Variants in ESCO1 observed in about 807,000 individuals in gnomAD.
ESCO1 encodes establishment of sister chromatid cohesion N-acetyltransferase 1, also known as N-acetyltransferase ESCO1.
In ESCO1, 33 loss-of-function variants were observed where a neutral mutation model predicts 83.5. That is an observed-to-expected ratio of 0.40 (90% CI 0.30 to 0.53). The LOEUF (loss-of-function observed/expected upper bound fraction) is 0.53. Among genes scored for constraint, ESCO1 ranks in the 20% least tolerant of loss-of-function variants. The probability of loss-of-function intolerance (pLI) is 0.63; values close to 1 mark genes in which losing one functional copy is unlikely to be tolerated. For missense variants in ESCO1, 855 were observed against 968.0 expected, an observed-to-expected ratio of 0.88 and a Z score of 1.55; for synonymous variants, 332 against 324.3, an observed-to-expected ratio of 1.02 and a Z score of -0.25.
intron 10 of ESCO1, among the ~76,000 whole-genome samples, chr18:21,532,970 G>A (rs912322670): frequency 7.9e-5 from 12 of 152,026 alleles, no homozygotes; most frequent in Admixed American, 2.6e-4. Context: ...CCATCATGAG[G>A]AGCCCCCCCA....
intron 1 of ESCO1, among the ~76,000 whole-genome samples, chr18:21,597,829 G>T (rs2038787464): frequency 6.6e-6 from 1 of 152,134 alleles, no homozygotes; most frequent in African/African-American, 2.4e-5. Flanking sequence ...CTTCCTTTAA[G>T]CATTGTAATG....
rs1194672905 is a variant in ESCO1, at chr18:21,573,859, C to G, written c.985G>C (p.Glu329Gln). 1 of 1,614,048 alleles carries G rather than the reference C, an allele frequency of 6.2e-7. No individual in the cohort carries two copies. The highest frequency in any genetic ancestry group is 2.2e-5 in the East Asian group (1 of 44,874). The change falls in exon 4 of 12, where the codon GAA becomes CAA. Residue 329 changes from glutamate to glutamine, a missense_variant. Coordinates refer to ENST00000269214, the MANE Select transcript of ESCO1 (RefSeq NM_052911.3). ...GTGGGCTTTTCTTCCTTTACACTTT[C>G]CATTTGTGAAGATTCCTTTTTTACC... Reference protein sequence around the residue: ...VEVKKESSQMESVKEEKPTEI... With the variant: ...VEVKKESSQMQSVKEEKPTEI...
At chr18:21,575,866 T>C (rs926200518) in intron 2 of ESCO1, 89 bp from the exon 3 acceptor site, 1 of 392,994 alleles carries the variant, frequency 2.5e-6, no homozygotes, top group East Asian at 3.6e-5. Context: ...TAACGCTCCA[T>C]AATTTCATCC....
At chr18:21,532,010 T>C (rs1005759080) in intron 11 of ESCO1, among the ~76,000 whole-genome samples, 4 of 151,794 alleles carry the variant, frequency 2.6e-5, no homozygotes, top group African/African-American at 7.3e-5. Flanking sequence ...AACAAAACAA[T>C]TTTTCTGAGT....
chr18:21,568,115 A>C (rs775227348), intron 4 of ESCO1, 21 bp from the exon 5 acceptor site: 1 of 1,549,876 alleles, frequency 6.5e-7, no homozygotes, highest in Non-Finnish European at 8.8e-7. Flanking sequence ...ATAATTCAAA[A>C]TTTTTACATC....
chr18:21,600,043 C>T (rs1376689394), intron 1 of ESCO1, among the ~76,000 whole-genome samples: 1 of 152,224 alleles, frequency 6.6e-6, no homozygotes, highest in Non-Finnish European at 1.5e-5. Flanking sequence ...TGACCTTGGG[C>T]CCGCTCCCCT....
chr18:21,555,866 G>A (rs2038105863), intron 8 of ESCO1, among the ~76,000 whole-genome samples: 1 of 151,962 alleles, frequency 6.6e-6, no homozygotes, highest in South Asian at 2.1e-4. Context: ...TACACAGGAG[G>A]CTAAGAAAGA....
intron 8 of ESCO1, among the ~76,000 whole-genome samples, chr18:21,550,259 T>TA: frequency 1.3e-5 from 2 of 152,330 alleles, no homozygotes; most frequent in East Asian, 3.9e-4. Flanking sequence ...GGTCAGTTAA[T>TA]AACCAACAGT....
chr18:21,573,777 G>C lies in ESCO1; in HGVS notation c.1067C>G (p.Thr356Arg), dbSNP rs368506322. The C allele has an allele frequency of 6.2e-7, 1 of 1,614,062 alleles. No individual in the cohort carries two copies. The highest frequency in any genetic ancestry group is 8.5e-7 in the Non-Finnish European group (1 of 1,179,998). ...ACGATTACATTGCACATCCTGATTT[G>C]TTTCCTTCTGATGAAGTATTTGTCT... ...VERQILHQKE[T>R]NQDVQCNRFF... The change falls in exon 4 of 12, where the codon ACA becomes AGA. Residue 356 changes from threonine (T) to arginine (R), a missense_variant. Thr to Arg is a moderately conservative substitution (Grantham distance 71, BLOSUM62 -1). Coordinates refer to ENST00000269214, the MANE Select transcript of ESCO1 (RefSeq NM_052911.3).
intron 9 of ESCO1, 124 bp from the exon 10 acceptor site, chr18:21,536,309 G>T: frequency 1.8e-6 from 2 of 1,130,566 alleles, no homozygotes; most frequent in Non-Finnish European, 2.4e-6. Context: ...GTTCTTTTGG[G>T]CTGGGTGTGG....
chr18:21,551,112 CAAAAAAA>C (rs57346736), intron 8 of ESCO1, among the ~76,000 whole-genome samples: 59 of 75,300 alleles, frequency 7.8e-4, no homozygotes, highest in African/African-American at 3.0e-3. Context: ...AACTCTGTCT[CAAAAAAA>C]AAAAAAAAAA....
In ESCO1 at chr18:21,564,283, T is replaced by G. The variant is rs1402206066; in HGVS notation, c.1741A>C (p.Asn581His). The change falls in exon 7 of 12, where the codon AAT becomes CAT. Residue 581 changes from asparagine to histidine, a missense_variant. By Grantham distance (68) the Asn-to-His change is moderately conservative (BLOSUM62 1). Coordinates refer to ENST00000269214, the MANE Select transcript of ESCO1 (RefSeq NM_052911.3). ...GGAATTGTTATCTCCAAATGGGAAT[T>G]ACACTTAGGCAAAGAATGATTTCGT... ...TPRNHSLPKC[N>H]SHLEITIPKD... The G allele has an allele frequency of 1.2e-6, 2 of 1,612,050 alleles. No individual in the cohort carries two copies. The highest frequency in any genetic ancestry group is 2.2e-5 in the South Asian group (2 of 90,606).
At chr18:21,555,190 C>T (rs1187094090) in intron 8 of ESCO1, among the ~76,000 whole-genome samples, 1 of 152,088 alleles carries the variant, frequency 6.6e-6, no homozygotes, top group Non-Finnish European at 1.5e-5. Flanking sequence ...TATATTATTC[C>T]AACTCTGACA....
At chr18:21,558,277 G>GT in intron 8 of ESCO1, among the ~76,000 whole-genome samples, 2 of 151,984 alleles carry the variant, frequency 1.3e-5, no homozygotes. Context: ...AAAGAATACA[G>GT]TAAGAAAAAA....
intron 1 of ESCO1, among the ~76,000 whole-genome samples, chr18:21,586,532 T>G (rs1203782295): frequency 6.6e-6 from 1 of 152,224 alleles, no homozygotes; most frequent in Non-Finnish European, 1.5e-5. Context: ...ATTATTTTCT[T>G]AATTTCCTTT....
chr18:21,540,033 C>T (rs778550095), intron 8 of ESCO1, 24 bp from the exon 9 acceptor site: 81 of 1,370,716 alleles, frequency 5.9e-5, no homozygotes, highest in Middle Eastern at 2.0e-4. Context: ...TATATATATA[C>T]ACACATATGT....
chr18:21,565,969 T>C (rs1384466028), intron 6 of ESCO1, among the ~76,000 whole-genome samples, 177 bp downstream of exon 6: 1 of 151,850 alleles, frequency 6.6e-6, no homozygotes, highest in African/African-American at 2.4e-5. Context: ...AATGAGGTAG[T>C]AGGGTAGAAA....
intron 2 of ESCO1, among the ~76,000 whole-genome samples, chr18:21,582,553 C>T (rs111849125): frequency 6.6e-6 from 1 of 152,042 alleles, no homozygotes; most frequent in African/African-American, 2.4e-5. Context: ...TTTGTTTTCA[C>T]GTGAGAAAGG....
Position 21,574,004 on chromosome 18 carries a change from T to A in ESCO1, c.840A>T (p.Pro280=). 6.2e-7 allele frequency: 1 copy of A among 1,613,730 alleles called. No individual in the cohort carries two copies. The highest frequency in any genetic ancestry group is 1.7e-5 in the Admixed American group (1 of 59,996). The change falls in exon 4 of 12, where the codon CCA becomes CCT. Residue 280 remains proline (P), a synonymous_variant. Coordinates refer to ENST00000269214, the MANE Select transcript of ESCO1 (RefSeq NM_052911.3). ...VNTNTTLPKS[P]QPSVPEQSDN... ...CACTTTGTTCAGGCACTGATGGCTG[T>A]GGACTTTTTGGGAGTGTTGTGTTAG...
Sources: gnomAD v4.1 joint callset for allele counts (sites outside exome capture counted in the v4.1 genomes callset) on GRCh38, gnomAD v4.1.1 for gene constraint, MANE v1.5 for transcripts, NCBI Gene and HGNC (gene_info 2026-07-23, HGNC 2026-07-21) for gene names.